Variants in FER1L6 observed in about 807,000 individuals in gnomAD.
FER1L6 encodes fer-1-like protein 6.
Under a neutral mutation model 219.2 loss-of-function variants are expected in FER1L6, and 177 were observed. The ratio of observed to expected loss-of-function variants is 0.81; its 90% CI spans 0.71 to 0.91. The LOEUF (loss-of-function observed/expected upper bound fraction) is 0.91, where lower values mean the gene tolerates loss of function less well. FER1L6 is among the 40% of genes least tolerant of loss of function. The pLI, the probability that FER1L6 is intolerant of heterozygous loss-of-function variation, is 0.00. For missense variants in FER1L6, 2,153 were observed against 2,259.9 expected, an observed-to-expected ratio of 0.95 and a Z score of 0.96; for synonymous variants, 768 against 824.3, an observed-to-expected ratio of 0.93 and a Z score of 1.17.
chr8:123,986,961 T>C (rs1336776867), intron 12 of FER1L6, among the ~76,000 whole-genome samples: 2 of 152,242 alleles, frequency 1.3e-5, no homozygotes, highest in Non-Finnish European at 2.9e-5. Flanking sequence ...CTATTGTAAA[T>C]AGTGCTGTAA....
At chr8:123,975,100 G>A in intron 7 of FER1L6, 50 bp from the exon 8 acceptor site, 1 of 1,484,042 alleles carries the variant, frequency 6.7e-7, no homozygotes, top group Admixed American at 2.0e-5. Context: ...AAGGGGTGGG[G>A]CTGCTGGGCC....
Position 124,036,758 on chromosome 8 carries a change from A to T in FER1L6, c.2464+1304A>T, listed in dbSNP as rs1191748620. On this transcript the variant is annotated intron_variant, in intron 19 of 40. Transcript: ENST00000522917. Reference sequence around the variant, plus strand: ...AGCTACTAACAATTCAGAGAAGAGGAAAGACTTTTCCTAGTGCTTTCTGAT... The same window carrying T: ...AGCTACTAACAATTCAGAGAAGAGGTAAGACTTTTCCTAGTGCTTTCTGAT... Among the ~76,000 whole-genome samples the T allele has an allele frequency of 2.0e-5, 3 of 152,198 alleles. No homozygotes were observed. In the East Asian group the frequency reaches 5.8e-4, roughly 29 times the overall value.
intron 1 of FER1L6, among the ~76,000 whole-genome samples, chr8:123,928,140 C>T (rs1586476032): frequency 6.6e-6 from 1 of 152,100 alleles, no homozygotes; most frequent in East Asian, 1.9e-4. Context: ...ACTTTGCATA[C>T]AAAAGTAACA....
chr8:124,054,936 CAGAA>C (rs1820212778), intron 22 of FER1L6, among the ~76,000 whole-genome samples: 1 of 152,104 alleles, frequency 6.6e-6, no homozygotes, highest in African/African-American at 2.4e-5. Context: ...AGGAGAGAAG[CAGAA>C]AGGCCCGTTG....
At position 123,998,373 on chromosome 8, in the gene FER1L6, A is replaced by ACTCTCTCTCTCTCTCTCTCT. The variant is rs746709688; in HGVS notation, c.1520-4761_1520-4742dup. Among the ~76,000 whole-genome samples the ACTCTCTCTCTCTCTCTCTCT allele has an allele frequency of 4.3e-4, 14 of 32,478 alleles. 4 individuals are homozygous for ACTCTCTCTCTCTCTCTCTCT. The highest frequency in any genetic ancestry group is 5.8e-4 in the African/African-American group (6 of 10,264). 21.3% of individuals were successfully genotyped at this position (32,478 alleles called of 152,430 possible). A position where few individuals can be genotyped will look rare whatever the true frequency, so the allele number is the denominator to read the frequency against. On this transcript the variant is annotated intron_variant, in intron 12 of 40. Coordinates refer to ENST00000522917, the MANE Select transcript of FER1L6 (RefSeq NM_001039112.2). Reference sequence around the variant, plus strand: ...CTTAGTTTCCCTCAAAAAGAGGGAAACTCTCTCTCTCTCTCTCTCTCTCTC... The same window carrying ACTCTCTCTCTCTCTCTCTCT: ...CTTAGTTTCCCTCAAAAAGAGGGAAACTCTCTCTCTCTCTCTCTCTCTCTCTCTCTCTCTCTCTCTCTCTC...
chr8:123,968,233 AT>A (rs1454635999), intron 5 of FER1L6, among the ~76,000 whole-genome samples: 3 of 152,190 alleles, frequency 2.0e-5, no homozygotes, highest in Admixed American at 6.5e-5. Context: ...AGCTCTACAG[AT>A]TTATTAATTA....
intron 19 of FER1L6, among the ~76,000 whole-genome samples, chr8:124,038,648 C>A (rs1819326239): frequency 6.6e-6 from 1 of 152,130 alleles, no homozygotes; most frequent in Admixed American, 6.5e-5. Context: ...CTATGAGGAA[C>A]TATTATTACC....
At chr8:124,051,191 G>A (rs961808764) in intron 22 of FER1L6, among the ~76,000 whole-genome samples, 11 of 152,226 alleles carry the variant, frequency 7.2e-5, no homozygotes, top group Non-Finnish European at 1.2e-4. Context: ...ATGCCAGGTC[G>A]GCTGACACCT....
intron 12 of FER1L6, among the ~76,000 whole-genome samples, chr8:123,995,698 T>G (rs1174453206): frequency 6.6e-6 from 1 of 152,136 alleles, no homozygotes; most frequent in African/African-American, 2.4e-5. Context: ...TTTCTTTCCT[T>G]ATACTAATTT....
chr8:123,881,761 C>G (rs1205181377), intron 1 of FER1L6, among the ~76,000 whole-genome samples: 2 of 152,170 alleles, frequency 1.3e-5, no homozygotes, highest in African/African-American at 4.8e-5. Context: ...GAGACAATTT[C>G]TTCCACAGGT....
At chr8:123,978,790 T>A (rs1022393497) in intron 10 of FER1L6, among the ~76,000 whole-genome samples, 5 of 152,200 alleles carry the variant, frequency 3.3e-5, no homozygotes, top group African/African-American at 9.7e-5. Flanking sequence ...CATTTTTATG[T>A]CCCTAACAGA....
intron 5 of FER1L6, among the ~76,000 whole-genome samples, chr8:123,968,600 A>G (rs1815663208): frequency 6.6e-6 from 1 of 152,252 alleles, no homozygotes; most frequent in Non-Finnish European, 1.5e-5. Flanking sequence ...AATGTTGTGT[A>G]AGTGAATTTT....
chr8:124,030,344 A>T (rs556536988), intron 18 of FER1L6, among the ~76,000 whole-genome samples: 5 of 152,296 alleles, frequency 3.3e-5, no homozygotes, highest in African/African-American at 1.2e-4. Flanking sequence ...GGGTTGCATG[A>T]TCTTCCTTTT....
At chr8:124,015,663 C>T (rs1267866589) in intron 15 of FER1L6, among the ~76,000 whole-genome samples, 4 of 131,860 alleles carry the variant, frequency 3.0e-5, no homozygotes, top group African/African-American at 1.1e-4. Flanking sequence ...TCCCTTTAAG[C>T]ATTTTTAAAA....
chr8:123,936,465 T>TG (rs768882893), intron 1 of FER1L6, among the ~76,000 whole-genome samples: 31 of 100,556 alleles, frequency 3.1e-4, no homozygotes, highest in African/African-American at 1.3e-3. Flanking sequence ...GCAGCCTGTT[T>TG]TTTTTTTTTT....
intron 34 of FER1L6, 64 bp from the exon 35 acceptor site, chr8:124,094,832 G>A: frequency 6.4e-7 from 1 of 1,554,180 alleles, no homozygotes; most frequent in Non-Finnish European, 8.9e-7. Flanking sequence ...AAATGCATGT[G>A]GCAGCCCATC....
chr8:123,914,985 A>G (rs2129786803), intron 1 of FER1L6, among the ~76,000 whole-genome samples: 1 of 152,294 alleles, frequency 6.6e-6, no homozygotes, highest in Admixed American at 6.5e-5. Context: ...AATGTTTTCA[A>G]TATTAAAAAA....
At chr8:123,919,734 A>G (rs1813303082) in intron 1 of FER1L6, among the ~76,000 whole-genome samples, 2 of 152,170 alleles carry the variant, frequency 1.3e-5, no homozygotes, top group Admixed American at 1.3e-4. Context: ...GGGTTTATTA[A>G]TAATGTCATG....
At chr8:124,102,521 C>T (rs1343918520) in intron 38 of FER1L6, among the ~76,000 whole-genome samples, 1 of 152,050 alleles carries the variant, frequency 6.6e-6, no homozygotes, top group Non-Finnish European at 1.5e-5. Flanking sequence ...ATGTTTTTGC[C>T]CATGTATATA....
Sources: gnomAD v4.1 joint callset for allele counts (sites outside exome capture counted in the v4.1 genomes callset) on GRCh38, gnomAD v4.1.1 for gene constraint, MANE v1.5 for transcripts, NCBI Gene and HGNC (gene_info 2026-07-23, HGNC 2026-07-21) for gene names.